Variants in MTSS1 observed in about 807,000 individuals in gnomAD.
MTSS1 encodes the protein protein MTSS 1.
A neutral mutation model predicts 79.0 loss-of-function variants in MTSS1; 18 were observed. The ratio of observed to expected loss-of-function variants is 0.23; its 90% CI spans 0.16 to 0.34. MTSS1 has a LOEUF of 0.34. MTSS1 is among the 10% of genes least tolerant of loss of function. MTSS1 has a pLI of 1.00. For synonymous variants in MTSS1, 341 were observed against 368.6 expected (o/e 0.93, Z 0.86); for missense variants, 815 against 986.2 (o/e 0.83, Z 2.33).
At chr8:124,668,649 C>T (rs915026187) in intron 3 of MTSS1, among the ~76,000 whole-genome samples, 2 of 152,116 alleles carry the variant, frequency 1.3e-5, no homozygotes, top group Non-Finnish European at 2.9e-5. Flanking sequence ...TACCTCTGAA[C>T]GGGACCAGAA....
At chr8:124,605,828 T>C (rs377588251) in intron 3 of MTSS1, among the ~76,000 whole-genome samples, 3 of 152,242 alleles carry the variant, frequency 2.0e-5, no homozygotes, top group African/African-American at 7.2e-5. Context: ...AATCTTGCAG[T>C]TTTTCATATT....
In MTSS1 at chr8:124,557,728, T is replaced by G. The variant is rs200773112; in HGVS notation, c.1183A>C (p.Thr395Pro). The change falls in exon 11 of 14, where the codon ACC becomes CCC. Residue 395 changes from threonine (T) to proline (P), a missense_variant. Physicochemically the swap from Thr to Pro is conservative, Grantham distance 38. Transcript: ENST00000518547. ...GACGGGAACATGCCGGGCCCAATGG[T>G]GTAATAATGAGCGTAGTCTGGAAGG... Reference protein sequence around the residue: ...VHLPDYAHYYTIGPGMFPSSQ... With the variant: ...VHLPDYAHYYPIGPGMFPSSQ... The G allele has an allele frequency of 8.8e-6, 14 of 1,598,026 alleles. No homozygotes were observed. The East Asian group carries it at 3.2e-4, about 36-fold the overall frequency.
intron 3 of MTSS1, among the ~76,000 whole-genome samples, chr8:124,640,077 G>A (rs1817743844): frequency 6.6e-6 from 1 of 152,130 alleles, no homozygotes; most frequent in Admixed American, 6.5e-5. Context: ...CTGGACAGTT[G>A]TCCATCTCAT....
At chr8:124,561,430 GACAAA>G (rs779478297) in intron 10 of MTSS1, among the ~76,000 whole-genome samples, 1 of 152,014 alleles carries the variant, frequency 6.6e-6, no homozygotes, top group Non-Finnish European at 1.5e-5. Context: ...AACATAACAT[GACAAA>G]ACAAAAAGCT....
intron 3 of MTSS1, among the ~76,000 whole-genome samples, chr8:124,665,181 A>G (rs1039146033): frequency 1.3e-5 from 2 of 152,236 alleles, no homozygotes; most frequent in Non-Finnish European, 2.9e-5. Context: ...GTCTATAATA[A>G]GAAGCAGGGC....
At chr8:124,606,871 C>CA (rs1474460892) in intron 3 of MTSS1, among the ~76,000 whole-genome samples, 1 of 152,164 alleles carries the variant, frequency 6.6e-6, no homozygotes, top group Non-Finnish European at 1.5e-5. Context: ...TGGCAGGGTA[C>CA]ACTGCTTATT....
At chr8:124,674,304 CT>C (rs1287872279) in intron 3 of MTSS1, among the ~76,000 whole-genome samples, 1 of 152,086 alleles carries the variant, frequency 6.6e-6, no homozygotes, top group East Asian at 1.9e-4. Context: ...TTAATTTTCT[CT>C]TATGTCAATT....
At chr8:124,581,884 TCTTA>T (rs1830113600) in intron 6 of MTSS1, among the ~76,000 whole-genome samples, 1 of 152,226 alleles carries the variant, frequency 6.6e-6, no homozygotes, top group Non-Finnish European at 1.5e-5. Flanking sequence ...TGATGCTCTC[TCTTA>T]CTTTTCCCCA....
intron 3 of MTSS1, among the ~76,000 whole-genome samples, chr8:124,649,058 T>C (rs1819500989): frequency 1.3e-5 from 2 of 152,238 alleles, no homozygotes; most frequent in African/African-American, 4.8e-5. Context: ...ATAATAGTAT[T>C]AACAATAACC....
chr8:124,659,140 C>T (rs1192404707), intron 3 of MTSS1, among the ~76,000 whole-genome samples: 1 of 151,448 alleles, frequency 6.6e-6, no homozygotes. Flanking sequence ...TAGTTAAGAA[C>T]CTGAGATATA....
intron 3 of MTSS1, among the ~76,000 whole-genome samples, chr8:124,696,750 C>T (rs552362621): frequency 1.1e-4 from 16 of 151,734 alleles, no homozygotes; most frequent in Non-Finnish European, 1.9e-4. Flanking sequence ...ACTTGGGAGG[C>T]TGAGGCAGGA....
At chr8:124,599,218 C>T in intron 3 of MTSS1, among the ~76,000 whole-genome samples, 1 of 137,478 alleles carries the variant, frequency 7.3e-6, no homozygotes, top group Non-Finnish European at 1.5e-5. Context: ...TGCGGTGGCT[C>T]ACGCCTGTAA....
At chr8:124,580,971 GA>G (rs200667522) in intron 6 of MTSS1, among the ~76,000 whole-genome samples, 127 of 148,708 alleles carry the variant, frequency 8.5e-4, no homozygotes, top group African/African-American at 2.9e-3. Flanking sequence ...GATGAAAATG[GA>G]AAAAAAAAAT....
At chr8:124,647,427 C>T (rs10101312) in intron 3 of MTSS1, among the ~76,000 whole-genome samples, 2,559 of 152,130 alleles carry the variant, frequency 0.017, 77 homozygotes, top group African/African-American at 0.058. Flanking sequence ...TGTTGTAAAA[C>T]GACTAAGATA....
chr8:124,600,240 A>AT lies in MTSS1; in HGVS notation c.209-9006dup, dbSNP rs143965103. Among the ~76,000 whole-genome samples, 552 of 148,394 alleles carry AT rather than the reference A, an allele frequency of 3.7e-3. 2 individuals carry two copies. The highest frequency in any genetic ancestry group is 4.8e-3 in the Non-Finnish European group (318 of 66,920). Reference sequence around the variant, plus strand: ...CCTCATCCATACTTAATTCGATGGCATTTTTTTTTTGCAAAAGTAACTTTT... The same window carrying AT: ...CCTCATCCATACTTAATTCGATGGCATTTTTTTTTTTGCAAAAGTAACTTTT... On this transcript the variant is annotated intron_variant, in intron 3 of 13. Transcript: ENST00000518547.
chr8:124,724,215 G>A (rs1262223737), intron 1 of MTSS1, among the ~76,000 whole-genome samples: 2 of 152,182 alleles, frequency 1.3e-5, no homozygotes, highest in Non-Finnish European at 2.9e-5. Context: ...TGATATGGGA[G>A]GGAAAATATC....
At chr8:124,684,988 G>A (rs948930982) in intron 3 of MTSS1, among the ~76,000 whole-genome samples, 1 of 152,178 alleles carries the variant, frequency 6.6e-6, no homozygotes, top group African/African-American at 2.4e-5. Flanking sequence ...GGGAAGGGTG[G>A]GGACAGGGAG....
chr8:124,667,770 C>T (rs368466661), intron 3 of MTSS1, among the ~76,000 whole-genome samples: 16 of 152,294 alleles, frequency 1.1e-4, no homozygotes, highest in Middle Eastern at 6.8e-3. Context: ...TACTGCACTC[C>T]GAGCTAAGAT....
At chr8:124,561,911 G>A (rs17371123) in intron 10 of MTSS1, among the ~76,000 whole-genome samples, 71,469 of 151,418 alleles carry the variant, frequency 0.47, 17,648 homozygotes, top group Non-Finnish European at 0.56. Flanking sequence ...TCCAAGGAAG[G>A]CAGACAGAGG....
Sources: gnomAD v4.1 joint callset for allele counts (sites outside exome capture counted in the v4.1 genomes callset) on GRCh38, gnomAD v4.1.1 for gene constraint, MANE v1.5 for transcripts, NCBI Gene and HGNC (gene_info 2026-07-23, HGNC 2026-07-21) for gene names.